The following ATXN1 variants were observed in gnomAD, a reference collection of about 807,000 sequenced individuals.
ATXN1 encodes the protein ataxin-1.
In ATXN1, 8 loss-of-function variants were observed where a neutral mutation model predicts 56.4. The observed-to-expected ratio is 0.14, with a 90% CI of 0.08 to 0.26. The LOEUF (loss-of-function observed/expected upper bound fraction) is 0.26, where lower values mean the gene tolerates loss of function less well. Among genes scored for constraint, ATXN1 ranks in the 10% least tolerant of loss-of-function variants. The probability of loss-of-function intolerance (pLI) is 1.00; values close to 1 mark genes in which losing one functional copy is unlikely to be tolerated. For missense variants in ATXN1, 987 were observed against 1,106.5 expected (o/e 0.89, Z 1.53); for synonymous variants, 514 against 494.6 (o/e 1.04, Z -0.52).
chr6:16,745,630 A>AT (rs1760505771), intron 2 of ATXN1, among the ~76,000 whole-genome samples: 1 of 152,170 alleles, frequency 6.6e-6, no homozygotes, highest in South Asian at 2.1e-4. Flanking sequence ...AAAACATGGT[A>AT]TTTTTATCAG....
chr6:16,661,180 G>A (rs1758312997), intron 2 of ATXN1, among the ~76,000 whole-genome samples: 1 of 151,848 alleles, frequency 6.6e-6, no homozygotes, highest in Admixed American at 6.6e-5. Context: ...TGGGAAACCT[G>A]GCTCTTCGTT....
At chr6:16,622,495 A>T (rs1358434957) in intron 3 of ATXN1, among the ~76,000 whole-genome samples, 1 of 152,216 alleles carries the variant, frequency 6.6e-6, no homozygotes, top group Non-Finnish European at 1.5e-5. Context: ...AGTATCGAAC[A>T]CAGGAAGTAC....
At chr6:16,425,109 G>A (rs893916416) in intron 6 of ATXN1, among the ~76,000 whole-genome samples, 1 of 152,112 alleles carries the variant, frequency 6.6e-6, no homozygotes, top group African/African-American at 2.4e-5. Flanking sequence ...CCAAACACTA[G>A]ATCTCTTAGT....
Position 16,342,594 on chromosome 6 carries a change from G to A in ATXN1, c.-160-14124C>T, listed in dbSNP as rs576241036. Among the ~76,000 whole-genome samples, 9 of 152,248 alleles carry A rather than the reference G, an allele frequency of 5.9e-5. No individual in the cohort carries two copies. The South Asian group carries it at 1.2e-3, about 21-fold the overall frequency. On this transcript the variant is annotated intron_variant, in intron 6 of 7. Coordinates refer to ENST00000436367, the MANE Select transcript of ATXN1 (RefSeq NM_001128164.2). ...GTGTTCATAGCAGCATTGTGCACAC[G>A]AGCCAAAAGGTGTCAACAACCCAAT...
rs546851104 is a variant in ATXN1 at position 16,566,920 on chromosome 6, C to T, written c.-361+18860G>A. Among the ~76,000 whole-genome samples, 486 of 151,904 alleles carry T rather than the reference C, an allele frequency of 3.2e-3. 4 individuals carry two copies. Among genetic ancestry groups the T allele is most frequent in the African/African-American group, 0.011 (464 of 41,436 alleles). ...TAGAGGTGGGTCCTCACTGTGTTGC[C>T]TAGGCTAGTCTCAAACTCCTGGCAT... On this transcript the variant is annotated intron_variant, in intron 4 of 7. Transcript: ENST00000436367.
chr6:16,724,931 A>C (rs1303406728), intron 2 of ATXN1, among the ~76,000 whole-genome samples: 2 of 152,174 alleles, frequency 1.3e-5, no homozygotes, highest in African/African-American at 2.4e-5. Context: ...CTCAGTCACT[A>C]TTACCAGCTT....
chr6:16,454,251 T>A (rs959834403), intron 6 of ATXN1, among the ~76,000 whole-genome samples: 2 of 148,114 alleles, frequency 1.4e-5, no homozygotes, highest in African/African-American at 5.0e-5. Context: ...GCAGACAAAA[T>A]CCCTGCCATC....
intron 3 of ATXN1, among the ~76,000 whole-genome samples, chr6:16,635,223 TC>T (rs1763574243): frequency 6.6e-6 from 1 of 152,154 alleles, no homozygotes; most frequent in Non-Finnish European, 1.5e-5. Flanking sequence ...TGTCACTGTC[TC>T]CCATCACCCC....
At chr6:16,567,374 G>C (rs959324926) in intron 4 of ATXN1, among the ~76,000 whole-genome samples, 5 of 152,124 alleles carry the variant, frequency 3.3e-5, no homozygotes, top group Admixed American at 6.6e-5. Context: ...AAACATGACT[G>C]GTATTCACTA....
Position 16,339,844 on chromosome 6 carries a change from G to A in ATXN1, c.-160-11374C>T, listed in dbSNP as rs969032440. ...TGTCACCATGCTGTAGTGCAGTGGC[G>A]TGATCTCGGCTCACTGCAACCTCTG... On this transcript the variant is annotated intron_variant, in intron 6 of 7. Coordinates refer to ENST00000436367, the MANE Select transcript of ATXN1 (RefSeq NM_001128164.2). 5.3e-5 allele frequency among the ~76,000 whole-genome samples: 8 copies of A among 152,258 alleles called. No homozygotes were observed. In the South Asian group the frequency reaches 8.3e-4, roughly 16 times the overall value.
intron 6 of ATXN1, among the ~76,000 whole-genome samples, chr6:16,365,975 T>A (rs1441839299): frequency 1.3e-5 from 2 of 152,178 alleles, no homozygotes; most frequent in African/African-American, 4.8e-5. Context: ...TATTGTAAAA[T>A]TTTTTTCTGC....
At chr6:16,603,660 A>G (rs1174906830) in intron 3 of ATXN1, among the ~76,000 whole-genome samples, 6 of 152,204 alleles carry the variant, frequency 3.9e-5, no homozygotes, top group Non-Finnish European at 7.3e-5. Flanking sequence ...CACTGGCAGA[A>G]GTTTAGAGAG....
At chr6:16,543,179 T>C (rs543249800) in intron 4 of ATXN1, among the ~76,000 whole-genome samples, 1 of 152,314 alleles carries the variant, frequency 6.6e-6, no homozygotes, top group South Asian at 2.1e-4. Flanking sequence ...AGCTGAGCTC[T>C]GGCCTGGGTC....
At chr6:16,609,605 C>A (rs560821251) in intron 3 of ATXN1, among the ~76,000 whole-genome samples, 1 of 152,274 alleles carries the variant, frequency 6.6e-6, no homozygotes, top group Admixed American at 6.5e-5. Context: ...AGCTTAAGAC[C>A]GAGGAAAGGA....
intron 2 of ATXN1, among the ~76,000 whole-genome samples, chr6:16,746,912 T>C (rs1274038295): frequency 1.1e-4 from 17 of 152,070 alleles, no homozygotes; most frequent in Non-Finnish European, 4.4e-5. Context: ...CGAGAGATCA[T>C]TTCTTTCAAC....
intron 6 of ATXN1, among the ~76,000 whole-genome samples, chr6:16,358,236 A>G: frequency 6.6e-6 from 1 of 152,216 alleles, no homozygotes. Flanking sequence ...TACAACCACT[A>G]TGGAAAACAG....
rs77297675 is a variant in ATXN1 at position 16,706,839 on chromosome 6, G to A, written c.-615+46394C>T. ...TTCAGGCCTCCTAACTTTCTCTGAT[G>A]GATCCTCCTTCTTCCAATCCATCCC... is the stretch of plus-strand genomic sequence containing the variant. On this transcript the variant is annotated intron_variant, in intron 2 of 7. Coordinates refer to ENST00000436367, the MANE Select transcript of ATXN1 (RefSeq NM_001128164.2). Among the ~76,000 whole-genome samples the A allele has an allele frequency of 3.2e-4, 49 of 152,064 alleles. No individual in the cohort carries two copies. In the East Asian group the frequency reaches 8.3e-3, roughly 26 times the overall value.
At chr6:16,439,170 C>A (rs1168989187) in intron 6 of ATXN1, among the ~76,000 whole-genome samples, 2 of 151,572 alleles carry the variant, frequency 1.3e-5, no homozygotes, top group African/African-American at 4.9e-5. Flanking sequence ...TTATGAAGGG[C>A]CTCCAAGAAT....
intron 3 of ATXN1, among the ~76,000 whole-genome samples, chr6:16,635,176 T>C (rs1003844089): frequency 1.3e-5 from 2 of 152,120 alleles, no homozygotes; most frequent in Non-Finnish European, 2.9e-5. Context: ...GGGATGTAGG[T>C]TGCACCCTCT....
Sources: gnomAD v4.1 joint callset for allele counts (sites outside exome capture counted in the v4.1 genomes callset) on GRCh38, gnomAD v4.1.1 for gene constraint, MANE v1.5 for transcripts, NCBI Gene and HGNC (gene_info 2026-07-23, HGNC 2026-07-21) for gene names.